The following KATNBL1 variants were observed in gnomAD, a reference collection of about 807,000 sequenced individuals.
The protein encoded by KATNBL1 is katanin regulatory subunit B1 like 1, also known as KATNB1-like protein 1.
Under a neutral mutation model 44.7 loss-of-function variants are expected in KATNBL1, and 28 were observed. That is an observed-to-expected ratio of 0.63 (90% CI 0.46 to 0.86). The LOEUF (loss-of-function observed/expected upper bound fraction) is 0.86. Among genes scored for constraint, KATNBL1 ranks in the 40% least tolerant of loss-of-function variants. The probability of loss-of-function intolerance (pLI) is 0.00; values close to 1 mark genes in which losing one functional copy is unlikely to be tolerated. For synonymous variants in KATNBL1, 78 were observed against 114.9 expected (o/e 0.68, Z 2.06); for missense variants, 272 against 350.7 (o/e 0.78, Z 1.79).
At chr15:34,142,429 A>C in intron 9 of KATNBL1, 58 bp from the exon 10 acceptor site, 3 of 1,526,428 alleles carry the variant, frequency 2.0e-6, no homozygotes, top group Non-Finnish European at 2.6e-6. Context: ...AAACATAAAC[A>C]ATCCATTTTT....
intron 2 of KATNBL1, among the ~76,000 whole-genome samples, chr15:34,162,454 C>A (rs8031102): frequency 0.33 from 49,832 of 152,020 alleles, 8,596 homozygotes; most frequent in African/African-American, 0.45. Context: ...ATCTCTTTTT[C>A]TTTAGAGATT....
At chr15:34,204,969 C>T (rs535376119) in intron 1 of KATNBL1, among the ~76,000 whole-genome samples, 4 of 149,718 alleles carry the variant, frequency 2.7e-5, no homozygotes, top group East Asian at 3.9e-4. Flanking sequence ...AGTTGTGGAA[C>T]AGGAAGGCAA....
chr15:34,153,575 A>T (rs953058115), intron 3 of KATNBL1, among the ~76,000 whole-genome samples: 31 of 147,036 alleles, frequency 2.1e-4, no homozygotes, highest in South Asian at 6.5e-4. Flanking sequence ...TGACTCAAAA[A>T]TTTTTTTTTT....
rs145143427 is a variant in KATNBL1 at position 34,184,360 on chromosome 15, G to A, written c.-14-20670C>T. On this transcript the variant is annotated intron_variant, in intron 1 of 9. Transcript: ENST00000256544. The stretch of plus-strand genomic sequence containing the variant: ...TGCGCACCTGTGGTCTCAGCCACTC[G>A]GGAAAGTCAGACAGCAGAATCACTT... 2.9e-4 allele frequency among the ~76,000 whole-genome samples: 43 copies of A among 150,418 alleles called. 1 individual carries two copies. In the East Asian group the frequency reaches 8.0e-3, roughly 28 times the overall value.
chr15:34,158,983 G>A (rs1888718322), intron 2 of KATNBL1, among the ~76,000 whole-genome samples: 1 of 152,136 alleles, frequency 6.6e-6, no homozygotes, highest in African/African-American at 2.4e-5. Flanking sequence ...GAAACCTGCT[G>A]GGTTAAGCGA....
chr15:34,173,692 G>A (rs1597445574), intron 1 of KATNBL1, among the ~76,000 whole-genome samples: 1 of 152,008 alleles, frequency 6.6e-6, no homozygotes, highest in African/African-American at 2.4e-5. Context: ...AGCACATAAG[G>A]AAAAAAGTAT....
intron 1 of KATNBL1, among the ~76,000 whole-genome samples, chr15:34,203,681 T>C (rs1343670755): frequency 6.6e-6 from 1 of 152,238 alleles, no homozygotes; most frequent in Admixed American, 6.5e-5. Context: ...GATACACTTA[T>C]TCTGGTATCT....
chr15:34,202,465 T>TTTC (rs33936921), intron 1 of KATNBL1, among the ~76,000 whole-genome samples: 120,393 of 151,732 alleles, frequency 0.79, 48,604 homozygotes, highest in Non-Finnish European at 0.87. Context: ...TTCTTAAACC[T>TTTC]TTATGTTCCA....
At chr15:34,191,188 T>TATATATATATA (rs1331589830) in intron 1 of KATNBL1, among the ~76,000 whole-genome samples, 23 of 137,898 alleles carry the variant, frequency 1.7e-4, no homozygotes, top group Non-Finnish European at 2.5e-4. Flanking sequence ...TATATATATA[T>TATATATATATA]TTGGTAGGGC....
chr15:34,194,791 G>A (rs1303581280), intron 1 of KATNBL1, among the ~76,000 whole-genome samples: 2 of 152,134 alleles, frequency 1.3e-5, no homozygotes, highest in Admixed American at 6.5e-5. Flanking sequence ...TTAAAAAACA[G>A]GGTAAGAACA....
intron 2 of KATNBL1, among the ~76,000 whole-genome samples, chr15:34,155,255 C>T (rs1008545399): frequency 2.6e-5 from 4 of 152,166 alleles, no homozygotes; most frequent in African/African-American, 9.7e-5. Context: ...TTTTACAGGT[C>T]TTCCTCTTCA....
At position 34,181,702 on chromosome 15, in the gene KATNBL1, C is replaced by CATATATATGTCCATATATACA. The variant is rs1567532126; in HGVS notation, c.-14-18013_-14-18012insTGTATATATGGACATATATAT. Among the ~76,000 whole-genome samples the CATATATATGTCCATATATACA allele has an allele frequency of 2.7e-4, 7 of 25,606 alleles. 1 individual carries two copies. The highest frequency in any genetic ancestry group is 8.7e-4 in the African/African-American group (7 of 8,076). 16.8% of individuals were successfully genotyped at this position (25,606 alleles called of 152,430 possible). ...CACATATATATGTCCATATATATAT[C>CATATATATGTCCATATATACA]CATATATATGGACATATATATGTCC... On this transcript the variant is annotated intron_variant, in intron 1 of 9. Coordinates refer to ENST00000256544, the MANE Select transcript of KATNBL1 (RefSeq NM_024713.3).
chr15:34,193,072 C>T (rs1206660292), intron 1 of KATNBL1, among the ~76,000 whole-genome samples: 1 of 151,672 alleles, frequency 6.6e-6, no homozygotes, highest in Non-Finnish European at 1.5e-5. Context: ...AAAAAATTAG[C>T]CGGGCGTAGT....
chr15:34,153,501 G>A (rs181076927), intron 3 of KATNBL1, among the ~76,000 whole-genome samples: 9 of 152,198 alleles, frequency 5.9e-5, no homozygotes, highest in Non-Finnish European at 1.3e-4. Context: ...AAGCCTCATC[G>A]TTTAATACAG....
At chr15:34,168,471 C>T (rs1039722850) in intron 1 of KATNBL1, among the ~76,000 whole-genome samples, 1 of 152,106 alleles carries the variant, frequency 6.6e-6, no homozygotes, top group African/African-American at 2.4e-5. Flanking sequence ...GAGACTTAGA[C>T]TCCCACACAA....
At chr15:34,180,371 T>C (rs1321353423) in intron 1 of KATNBL1, among the ~76,000 whole-genome samples, 1 of 152,204 alleles carries the variant, frequency 6.6e-6, no homozygotes, top group Non-Finnish European at 1.5e-5. Flanking sequence ...CATTGCTCAT[T>C]CTTCATCACC....
At chr15:34,204,663 C>G (rs1229022928) in intron 1 of KATNBL1, among the ~76,000 whole-genome samples, 1 of 152,208 alleles carries the variant, frequency 6.6e-6, no homozygotes, top group Non-Finnish European at 1.5e-5. Context: ...GCCACCCATA[C>G]AGGCTTCTTG....
chr15:34,140,926 T>C lies in KATNBL1; in HGVS notation c.*1413A>G, dbSNP rs1213150778. ...CACAAAACCAGAACTCAGTGAAACA[T>C]AACTTTTAAGAGCAAGAAATCTGCT... On this transcript the variant is annotated 3_prime_UTR_variant, in exon 10 of 10. Coordinates refer to ENST00000256544, the MANE Select transcript of KATNBL1 (RefSeq NM_024713.3). 1 of 152,142 alleles carries C rather than the reference T, an allele frequency of 6.6e-6. No individual in the cohort carries two copies. Among genetic ancestry groups the C allele is most frequent in the Non-Finnish European group, 1.5e-5 (1 of 67,982 alleles). The allele number at this position is 152,142 out of a possible 1,614,324, so 9.4% of individuals were successfully genotyped here.
intron 1 of KATNBL1, among the ~76,000 whole-genome samples, chr15:34,168,598 A>G (rs900099516): frequency 1.3e-5 from 2 of 152,206 alleles, no homozygotes; most frequent in Non-Finnish European, 2.9e-5. Context: ...CCTAACAGAC[A>G]TCTACAGAAC....
Sources: gnomAD v4.1 joint callset for allele counts (sites outside exome capture counted in the v4.1 genomes callset) on GRCh38, gnomAD v4.1.1 for gene constraint, MANE v1.5 for transcripts, NCBI Gene and HGNC (gene_info 2026-07-23, HGNC 2026-07-21) for gene names.